The following ACSM3 variants were observed in gnomAD, a reference collection of about 807,000 sequenced individuals.
The protein encoded by ACSM3 is acyl-coenzyme A synthetase ACSM3, mitochondrial.
ACSM3 carries 61 observed loss-of-function variants against 74.1 expected under a neutral mutation model. The ratio of observed to expected loss-of-function variants is 0.82; its 90% CI spans 0.67 to 1.02. The LOEUF is 1.02. ACSM3 is among the 50% of genes least tolerant of loss of function. ACSM3 has a pLI of 0.00. For synonymous variants in ACSM3, 213 were observed against 241.5 expected (o/e 0.88, Z 1.09); for missense variants, 660 against 697.0 (o/e 0.95, Z 0.60).
At chr16:20,793,130 G>C (rs1167108348) in intron 12 of ACSM3, among the ~76,000 whole-genome samples, 1 of 152,190 alleles carries the variant, frequency 6.6e-6, no homozygotes, top group Non-Finnish European at 1.5e-5. Flanking sequence ...AGGGCACAGG[G>C]CAGAGTTAGA....
chr16:20,682,426 G>A (rs760173112), intron 1 of ACSM3: 1 of 1,613,788 alleles, frequency 6.2e-7, no homozygotes, highest in Non-Finnish European at 8.5e-7. Flanking sequence ...GAATGTCTTT[G>A]GCCTTCAACA....
chr16:20,788,637 C>A lies in ACSM3; in HGVS notation c.1225-1950C>A, dbSNP rs77873289. ...GATTCCTACAACTTCAAAGCCCAACCTTTATAATCTTCTTTGTTTGCTTTT... is the reference window on the plus strand; with the variant it reads ...GATTCCTACAACTTCAAAGCCCAACATTTATAATCTTCTTTGTTTGCTTTT... On this transcript the variant is annotated intron_variant, in intron 9 of 13. Coordinates refer to ENST00000289416, the MANE Select transcript of ACSM3 (RefSeq NM_005622.4). 6.0e-3 allele frequency among the ~76,000 whole-genome samples: 912 copies of A among 152,256 alleles called. 14 individuals carry two copies. The highest frequency in any genetic ancestry group is 0.021 in the African/African-American group (854 of 41,558).
At chr16:20,679,766 G>C (rs1169312429) in intron 1 of ACSM3, 1 of 152,210 alleles carries the variant, frequency 6.6e-6, no homozygotes, top group East Asian at 1.9e-4. Context: ...TATTCGGTCT[G>C]TGACCCAGGA....
At chr16:20,705,791 A>T (rs1368269166) in intron 1 of ACSM3, among the ~76,000 whole-genome samples, 1 of 152,250 alleles carries the variant, frequency 6.6e-6, no homozygotes, top group Non-Finnish European at 1.5e-5. Context: ...TGGAATTAGT[A>T]GAGAAGGATT....
At chr16:20,741,488 C>G in intron 1 of ACSM3, 1 of 195,610 alleles carries the variant, frequency 5.1e-6, no homozygotes. Flanking sequence ...CCGGCCCGCC[C>G]GCCCACCCCG....
chr16:20,759,371 C>T (rs534528689), upstream of ACSM3, among the ~76,000 whole-genome samples: 4 of 152,036 alleles, frequency 2.6e-5, 1 homozygote, highest in Non-Finnish European at 5.9e-5. Flanking sequence ...TCTTGGCTAA[C>T]ACACGGTGAA....
chr16:20,773,364 CT>C (rs1379602748), intron 2 of ACSM3, among the ~76,000 whole-genome samples: 1 of 151,856 alleles, frequency 6.6e-6, no homozygotes, highest in African/African-American at 2.4e-5. Flanking sequence ...TATTTCTGCT[CT>C]GATCTTTATT....
chr16:20,685,232 G>T (rs1208442708), intron 1 of ACSM3: 23 of 1,614,160 alleles, frequency 1.4e-5, no homozygotes, highest in Non-Finnish European at 1.9e-5. Context: ...CACCACTCAG[G>T]AACTCGAGGC....
intron 4 of ACSM3, chr16:20,779,875 G>A (rs1284141134): frequency 2.4e-5 from 5 of 205,494 alleles, no homozygotes; most frequent in South Asian, 1.7e-4. Context: ...TGGTTCAAGC[G>A]ATTCTCAGCC....
intron 1 of ACSM3, chr16:20,691,367 T>C: frequency 1.9e-6 from 1 of 526,180 alleles, no homozygotes; most frequent in East Asian, 3.4e-5. Context: ...AAGGCACCCC[T>C]GATTGATTTT....
chr16:20,777,269 A>G (rs2080266695), intron 3 of ACSM3, 104 bp from the exon 4 acceptor site: 4 of 1,077,604 alleles, frequency 3.7e-6, no homozygotes, highest in East Asian at 2.5e-5. Flanking sequence ...TAAACTGACT[A>G]ACTCACTCTG....
At chr16:20,792,153 A>G in intron 11 of ACSM3, 24 bp downstream of exon 11, 2 of 1,614,100 alleles carry the variant, frequency 1.2e-6, no homozygotes, top group Non-Finnish European at 8.5e-7. Flanking sequence ...CCATATGTGC[A>G]TATGTCTGTG....
At chr16:20,682,147 G>A (rs545709314) in intron 1 of ACSM3, 14 of 1,032,640 alleles carry the variant, frequency 1.4e-5, no homozygotes, top group Non-Finnish European at 1.7e-5. Context: ...CTGGGCTGGT[G>A]CACCTAAATA....
intron 8 of ACSM3, 31 bp from the exon 9 acceptor site, chr16:20,786,047 T>A: frequency 7.1e-7 from 1 of 1,416,614 alleles, no homozygotes; most frequent in Non-Finnish European, 9.6e-7. Flanking sequence ...TGACTTGTAA[T>A]GTTATCTTAC....
intron 3 of ACSM3, 69 bp from the exon 4 acceptor site, chr16:20,777,304 A>T: frequency 7.4e-7 from 1 of 1,357,934 alleles, no homozygotes; most frequent in Non-Finnish European, 1.0e-6. Flanking sequence ...TATAGATGGT[A>T]TCTACACTAC....
At chr16:20,734,789 G>A (rs1262586456) in intron 1 of ACSM3, 3 of 152,190 alleles carry the variant, frequency 2.0e-5, no homozygotes, top group Non-Finnish European at 4.4e-5. Flanking sequence ...ATGTGAGTGT[G>A]AGCACTAAGT....
intron 8 of ACSM3, among the ~76,000 whole-genome samples, chr16:20,785,704 G>A (rs974614205): frequency 6.6e-6 from 1 of 152,128 alleles, no homozygotes; most frequent in Non-Finnish European, 1.5e-5. Context: ...TTCACAATGT[G>A]TCTTTATAAT....
At chr16:20,785,193 A>G in intron 8 of ACSM3, 86 bp downstream of exon 8, 1 of 1,530,676 alleles carries the variant, frequency 6.5e-7, no homozygotes, top group South Asian at 1.2e-5. Context: ...CCTTATGATT[A>G]TTTGAGGGAT....
chr16:20,777,228 GT>G (rs1303181433), intron 3 of ACSM3, 144 bp from the exon 4 acceptor site: 8 of 774,602 alleles, frequency 1.0e-5, no homozygotes, highest in Non-Finnish European at 1.6e-5. Context: ...AAGCAGATAA[GT>G]GAAAGCAAGA....
Sources: gnomAD v4.1 joint callset for allele counts (sites outside exome capture counted in the v4.1 genomes callset) on GRCh38, gnomAD v4.1.1 for gene constraint, MANE v1.5 for transcripts, NCBI Gene and HGNC (gene_info 2026-07-23, HGNC 2026-07-21) for gene names.